The following THSD4 variants were observed in gnomAD, a reference collection of about 807,000 sequenced individuals.
THSD4 encodes thrombospondin type-1 domain-containing protein 4.
In THSD4, 69 loss-of-function variants were observed where a neutral mutation model predicts 119.0. The observed-to-expected ratio is 0.58, with a 90% confidence interval of 0.48 to 0.71. The LOEUF is 0.71. Among genes scored for constraint, THSD4 ranks in the 30% least tolerant of loss-of-function variants. THSD4 has a pLI of 0.00. For missense variants in THSD4, 1,393 were observed against 1,391.1 expected, an observed-to-expected ratio of 1.00 and a Z score of -0.02; for synonymous variants, 524 against 540.4, an observed-to-expected ratio of 0.97 and a Z score of 0.42.
chr15:71,546,574 G>T (rs902781777), intron 7 of THSD4, among the ~76,000 whole-genome samples: 4 of 152,170 alleles, frequency 2.6e-5, no homozygotes, highest in Non-Finnish European at 4.4e-5. Context: ...TGACACTTGG[G>T]ATTCACTTGT....
intron 6 of THSD4, among the ~76,000 whole-genome samples, chr15:71,319,244 C>CTAT (rs1211897656): frequency 3.9e-5 from 6 of 152,054 alleles, no homozygotes; most frequent in South Asian, 4.2e-4. Context: ...ATTCTAAAGT[C>CTAT]TATTATTATT....
chr15:71,687,151 C>T (rs534787904), intron 8 of THSD4, among the ~76,000 whole-genome samples: 1 of 152,268 alleles, frequency 6.6e-6, no homozygotes, highest in Non-Finnish European at 1.5e-5. Context: ...CAGGTGGCAT[C>T]TATTAACCCC....
At chr15:71,577,737 T>TATTTTATTTTA (rs58028304) in intron 7 of THSD4, among the ~76,000 whole-genome samples, 7 of 150,542 alleles carry the variant, frequency 4.6e-5, no homozygotes, top group Admixed American at 1.3e-4. Context: ...TATTTTATTT[T>TATTTTATTTTA]TGAGACGGAG....
At chr15:71,263,331 G>GTATATA (rs60448462) in intron 6 of THSD4, among the ~76,000 whole-genome samples, 31,922 of 138,642 alleles carry the variant, frequency 0.23, 4,360 homozygotes, top group East Asian at 0.44. Context: ...GTATTCCATG[G>GTATATA]TATATATATA....
At chr15:71,522,931 G>A (rs1363057950) in intron 7 of THSD4, among the ~76,000 whole-genome samples, 4 of 152,260 alleles carry the variant, frequency 2.6e-5, no homozygotes, top group African/African-American at 9.6e-5. Context: ...CACGGCAAAG[G>A]GGCAGCCAAG....
At chr15:71,136,641 G>GAGTTCCAGAGGAC (rs2040554201) in intron 1 of THSD4, among the ~76,000 whole-genome samples, 2 of 150,258 alleles carry the variant, frequency 1.3e-5, no homozygotes, top group Admixed American at 6.6e-5. Flanking sequence ...TAGGCTGCGG[G>GAGTTCCAGAGGAC]AGTTCCAGAG....
intron 7 of THSD4, among the ~76,000 whole-genome samples, chr15:71,453,905 G>T (rs552465985): frequency 6.6e-6 from 1 of 152,134 alleles, no homozygotes; most frequent in South Asian, 2.1e-4. Flanking sequence ...TTCCATGGTG[G>T]GGGCATGCTC....
At chr15:71,544,075 G>A (rs963140485) in intron 7 of THSD4, among the ~76,000 whole-genome samples, 1 of 152,058 alleles carries the variant, frequency 6.6e-6, no homozygotes, top group African/African-American at 2.4e-5. Flanking sequence ...AAGCATTGGG[G>A]CCATTGGAAG....
At chr15:71,300,190 A>T (rs1230159409) in intron 6 of THSD4, among the ~76,000 whole-genome samples, 1 of 151,886 alleles carries the variant, frequency 6.6e-6, no homozygotes, top group Non-Finnish European at 1.5e-5. Flanking sequence ...TTAGTTTTTT[A>T]AAAAAGAACA....
At chr15:71,481,008 T>G (rs1477437047) in intron 7 of THSD4, among the ~76,000 whole-genome samples, 1 of 152,338 alleles carries the variant, frequency 6.6e-6, no homozygotes, top group African/African-American at 2.4e-5. Context: ...GTTTTAATTT[T>G]TATGCCTGTG....
intron 7 of THSD4, among the ~76,000 whole-genome samples, chr15:71,623,316 G>A (rs538197862): frequency 4.6e-5 from 7 of 152,276 alleles, no homozygotes; most frequent in Non-Finnish European, 8.8e-5. Flanking sequence ...GGCATTGTGC[G>A]AAATGCTTTA....
chr15:71,679,496 G>A (rs375424425), intron 8 of THSD4, among the ~76,000 whole-genome samples: 7 of 152,204 alleles, frequency 4.6e-5, no homozygotes, highest in African/African-American at 1.7e-4. Flanking sequence ...CTCATGCTGT[G>A]GTTTGCCCAC....
At chr15:71,321,382 A>G (rs183338007) in intron 6 of THSD4, among the ~76,000 whole-genome samples, 3 of 152,284 alleles carry the variant, frequency 2.0e-5, no homozygotes, top group African/African-American at 7.2e-5. Flanking sequence ...CTAAAAATAC[A>G]AAAATTAGCT....
chr15:71,630,572 C>T (rs1197076023), intron 7 of THSD4, among the ~76,000 whole-genome samples: 3 of 152,108 alleles, frequency 2.0e-5, no homozygotes, highest in Admixed American at 2.0e-4. Context: ...AAAGGTTTTT[C>T]CCCATCTATT....
At chr15:71,702,900 A>G (rs2052319961) in intron 8 of THSD4, among the ~76,000 whole-genome samples, 1 of 151,922 alleles carries the variant, frequency 6.6e-6, no homozygotes, top group African/African-American at 2.4e-5. Flanking sequence ...CATCCAGCAC[A>G]TGGCACATTA....
chr15:71,440,870 C>T (rs559768952), intron 7 of THSD4, among the ~76,000 whole-genome samples: 70 of 152,152 alleles, frequency 4.6e-4, no homozygotes, highest in Non-Finnish European at 8.7e-4. Context: ...ACATCAAGAA[C>T]TGTAAATTAC....
intron 3 of THSD4, among the ~76,000 whole-genome samples, chr15:71,199,889 T>TGG (rs1251910052): frequency 4.3e-4 from 19 of 44,646 alleles, no homozygotes; most frequent in Middle Eastern, 0.017. Flanking sequence ...GGTGCATGTG[T>TGG]GGTATGTGTG....
At chr15:71,126,668 C>T (rs145881015) in intron 1 of THSD4, among the ~76,000 whole-genome samples, 6 of 152,224 alleles carry the variant, frequency 3.9e-5, no homozygotes, top group East Asian at 1.9e-4. Context: ...GACTTTGAAG[C>T]GGCCATCATA....
chr15:71,657,901 G>A (rs1160223905), intron 7 of THSD4, among the ~76,000 whole-genome samples: 1 of 152,188 alleles, frequency 6.6e-6, no homozygotes, highest in Non-Finnish European at 1.5e-5. Flanking sequence ...TTTTGTCTGT[G>A]TCTGTGGTTA....
Sources: gnomAD v4.1 joint callset for allele counts (sites outside exome capture counted in the v4.1 genomes callset) on GRCh38, gnomAD v4.1.1 for gene constraint, MANE v1.5 for transcripts, NCBI Gene and HGNC (gene_info 2026-07-23, HGNC 2026-07-21) for gene names.